EFCAB11: variants seen among roughly 807,000 people sequenced by gnomAD.
EFCAB11 encodes the protein EF-hand calcium-binding domain-containing protein 11.
Under a neutral mutation model 23.0 loss-of-function variants are expected in EFCAB11, and 14 were observed. The observed-to-expected ratio is 0.61, with a 90% confidence interval of 0.40 to 0.95. EFCAB11 has a LOEUF of 0.95. Ranked by LOEUF, EFCAB11 falls within the 40% of genes least tolerant of loss-of-function variation. The pLI is 0.00. For missense variants in EFCAB11, 198 were observed against 195.8 expected, an observed-to-expected ratio of 1.01 and a Z score of -0.07; for synonymous variants, 65 against 66.6, an observed-to-expected ratio of 0.98 and a Z score of 0.11.
chr14:89,838,000 G>A (rs1386530282), intron 5 of EFCAB11, among the ~76,000 whole-genome samples: 1 of 152,192 alleles, frequency 6.6e-6, no homozygotes, highest in Non-Finnish European at 1.5e-5. Flanking sequence ...CCTGCAGTAG[G>A]ATTCCCAAGC....
chr14:89,836,794 A>G (rs554639792), intron 5 of EFCAB11: 14 of 399,912 alleles, frequency 3.5e-5, no homozygotes, highest in Admixed American at 1.9e-4. Flanking sequence ...TGAGGTGGGC[A>G]GATCACTTGA....
chr14:89,836,032 G>A (rs766271586), intron 5 of EFCAB11, among the ~76,000 whole-genome samples: 51 of 152,118 alleles, frequency 3.4e-4, no homozygotes, highest in Non-Finnish European at 5.1e-4. Context: ...CAGGAGTGAC[G>A]GATAAACAAG....
At chr14:89,883,478 C>T (rs1888662080) in intron 5 of EFCAB11, among the ~76,000 whole-genome samples, 1 of 152,152 alleles carries the variant, frequency 6.6e-6, no homozygotes, top group South Asian at 2.1e-4. Flanking sequence ...ATAACCTAAG[C>T]ACATCCTCTT....
intron 3 of EFCAB11, among the ~76,000 whole-genome samples, chr14:89,935,803 G>T (rs1300403095): frequency 6.6e-6 from 1 of 152,182 alleles, no homozygotes; most frequent in African/African-American, 2.4e-5. Flanking sequence ...GAGGTCAGGA[G>T]TTTGAGATCA....
chr14:89,836,455 A>C, intron 5 of EFCAB11: 3 of 426,770 alleles, frequency 7.0e-6, no homozygotes, highest in Non-Finnish European at 9.4e-6. Flanking sequence ...GGGTCTGCCC[A>C]GAGTGGTTGT....
At chr14:89,902,672 C>T (rs529520916) in intron 5 of EFCAB11, among the ~76,000 whole-genome samples, 9 of 152,238 alleles carry the variant, frequency 5.9e-5, no homozygotes, top group African/African-American at 2.2e-4. Context: ...AGATTATTAA[C>T]ACTTAAGATT....
At chr14:89,825,640 G>C (rs1239328545) in intron 5 of EFCAB11, among the ~76,000 whole-genome samples, 1 of 152,134 alleles carries the variant, frequency 6.6e-6, no homozygotes, top group Non-Finnish European at 1.5e-5. Context: ...CTGAAAGTTA[G>C]AGCCTAGAGT....
chr14:89,940,621 AAAGT>A (rs2139827330), intron 3 of EFCAB11, among the ~76,000 whole-genome samples: 1 of 152,352 alleles, frequency 6.6e-6, no homozygotes, highest in South Asian at 2.1e-4. Flanking sequence ...TTGAGGGTTA[AAAGT>A]AAGTTCCTGG....
intron 3 of EFCAB11, among the ~76,000 whole-genome samples, chr14:89,949,521 C>A (rs553576995): frequency 6.6e-6 from 1 of 151,512 alleles, no homozygotes; most frequent in Non-Finnish European, 1.5e-5. Context: ...CCTGCCACCA[C>A]GCCCAGCTAA....
intron 5 of EFCAB11, among the ~76,000 whole-genome samples, chr14:89,813,899 G>C (rs1008345069): frequency 6.6e-6 from 1 of 152,156 alleles, no homozygotes; most frequent in African/African-American, 2.4e-5. Flanking sequence ...AACCGTGCTT[G>C]ACTTCTGCGG....
chr14:89,866,338 A>G (rs1386182955), intron 5 of EFCAB11, among the ~76,000 whole-genome samples: 1 of 152,180 alleles, frequency 6.6e-6, no homozygotes, highest in African/African-American at 2.4e-5. Context: ...AATTAAACGC[A>G]TGGCCAGGGC....
chr14:89,908,166 C>T (rs76013050), intron 5 of EFCAB11, among the ~76,000 whole-genome samples: 2,779 of 152,238 alleles, frequency 0.018, 90 homozygotes, highest in African/African-American at 0.064. Context: ...AAGTCAAAAA[C>T]CTTTTATGTT....
At chr14:89,920,895 T>C (rs1440688741) in intron 5 of EFCAB11, among the ~76,000 whole-genome samples, 1 of 151,856 alleles carries the variant, frequency 6.6e-6, no homozygotes, top group Non-Finnish European at 1.5e-5. Context: ...TGAAACCCCA[T>C]CTCTACTATA....
At chr14:89,806,330 A>G (rs898786053) in intron 5 of EFCAB11, among the ~76,000 whole-genome samples, 1 of 152,218 alleles carries the variant, frequency 6.6e-6, no homozygotes, top group Non-Finnish European at 1.5e-5. Flanking sequence ...GATAAATGCA[A>G]TCAACATATA....
At chr14:89,857,459 C>T (rs911730196) in intron 5 of EFCAB11, among the ~76,000 whole-genome samples, 1 of 152,148 alleles carries the variant, frequency 6.6e-6, no homozygotes, top group African/African-American at 2.4e-5. Flanking sequence ...TTTATAAATG[C>T]CTTTGGGTTG....
intron 5 of EFCAB11, among the ~76,000 whole-genome samples, chr14:89,872,280 CA>C (rs1257809627): frequency 5.9e-5 from 9 of 152,152 alleles, no homozygotes; most frequent in Non-Finnish European, 1.3e-4. Context: ...GTTGATAAGA[CA>C]AAGGGAGGCA....
chr14:89,917,073 T>C (rs955423516), intron 5 of EFCAB11, among the ~76,000 whole-genome samples: 68 of 137,808 alleles, frequency 4.9e-4, no homozygotes, highest in African/African-American at 2.2e-3. Context: ...TGTGTGTGTG[T>C]GTGTGTGTGT....
chr14:89,864,792 T>C (rs1184222803), intron 5 of EFCAB11, among the ~76,000 whole-genome samples: 2 of 152,200 alleles, frequency 1.3e-5, no homozygotes, highest in African/African-American at 4.8e-5. Flanking sequence ...CAAATATCCC[T>C]ATGCGTCAGT....
intron 3 of EFCAB11, 22 bp downstream of exon 3, chr14:89,950,075 T>C: frequency 6.5e-7 from 1 of 1,527,834 alleles, no homozygotes; most frequent in Non-Finnish European, 8.9e-7. Context: ...GTACTAAAAA[T>C]TAATATTAAC....
Sources: gnomAD v4.1 joint callset for allele counts (sites outside exome capture counted in the v4.1 genomes callset) on GRCh38, gnomAD v4.1.1 for gene constraint, MANE v1.5 for transcripts, NCBI Gene and HGNC (gene_info 2026-07-23, HGNC 2026-07-21) for gene names.